LRP1B: variants seen among roughly 807,000 people sequenced by gnomAD.
LRP1B encodes the protein low-density lipoprotein receptor-related protein 1B.
Under a neutral mutation model 556.6 loss-of-function variants are expected in LRP1B, and 217 were observed. The observed-to-expected ratio is 0.39, with a 90% CI of 0.35 to 0.44. The LOEUF is 0.44. LRP1B is among the 20% of genes least tolerant of loss of function. The probability of loss-of-function intolerance (pLI) is 1.00; values close to 1 mark genes in which losing one functional copy is unlikely to be tolerated. For synonymous variants in LRP1B, 2,047 were observed against 1,865.8 expected (o/e 1.10, Z -2.50); for missense variants, 5,053 against 5,620.8 (o/e 0.90, Z 3.23).
At position 140,253,259 on chromosome 2, in the gene LRP1B, AAG is replaced by A. The variant is rs1208950834; in HGVS notation, c.13248-6099_13248-6098del. On this transcript the variant is annotated intron_variant, in intron 86 of 90. Transcript: ENST00000389484. ...GTAATACTGAGAAAATTTGATCAGA[AAG>A]AGTTTTTGATTTCTGAGAAGTGTTA... 4.6e-5 allele frequency among the ~76,000 whole-genome samples: 7 copies of A among 152,086 alleles called. No individual in the cohort carries two copies. The East Asian group carries it at 7.7e-4, about 17-fold the overall frequency.
chr2:141,725,237 CA>C (rs1692983785), intron 2 of LRP1B, among the ~76,000 whole-genome samples: 1 of 151,898 alleles, frequency 6.6e-6, no homozygotes, highest in Non-Finnish European at 1.5e-5. Flanking sequence ...TATCTTACCA[CA>C]TTTTTTATGA....
At chr2:140,683,892 G>C in intron 41 of LRP1B, 1 of 531,750 alleles carries the variant, frequency 1.9e-6, no homozygotes, top group South Asian at 2.0e-5. Context: ...CAGACTGAGG[G>C]GTCCATGCCG....
intron 7 of LRP1B, among the ~76,000 whole-genome samples, chr2:141,170,306 TC>T (rs1423247996): frequency 8.5e-5 from 13 of 152,114 alleles, no homozygotes; most frequent in Non-Finnish European, 1.5e-5. Flanking sequence ...TTGATTTCTC[TC>T]ATTCTGGTCT....
intron 1 of LRP1B, among the ~76,000 whole-genome samples, chr2:141,923,537 G>A (rs1272686354): frequency 6.8e-6 from 1 of 147,164 alleles, no homozygotes; most frequent in African/African-American, 2.5e-5. Context: ...GTAAGTATAT[G>A]TCTGTATTTC....
At chr2:141,224,952 G>C (rs1288251139) in intron 6 of LRP1B, among the ~76,000 whole-genome samples, 12 of 152,028 alleles carry the variant, frequency 7.9e-5, no homozygotes, top group Non-Finnish European at 1.3e-4. Context: ...TGCACATCCT[G>C]CACATGTATC....
chr2:141,179,892 CT>C (rs11433781), intron 7 of LRP1B, among the ~76,000 whole-genome samples: 9,146 of 125,936 alleles, frequency 0.073, 280 homozygotes, highest in East Asian at 0.17. Flanking sequence ...TTGGTTTTTC[CT>C]TTTTTTTTTT....
rs1440829202 is a variant in LRP1B at position 140,975,406 on chromosome 2, A to G, written c.2887+6754T>C. On this transcript the variant is annotated intron_variant, in intron 18 of 90. Coordinates refer to ENST00000389484, the MANE Select transcript of LRP1B (RefSeq NM_018557.3). ...GGATTGTGAAATTTACAGCAGCAGA[A>G]AGGAAGTTTCCTCTAGACCTGCTTG... Among the ~76,000 whole-genome samples the G allele has an allele frequency of 3.3e-5, 5 of 152,132 alleles. No homozygotes were observed. In the East Asian group the frequency reaches 9.6e-4, roughly 29 times the overall value.
rs117369914 is a variant in LRP1B at position 140,959,944 on chromosome 2, G to A, written c.2888-8004C>T. 2.0e-3 allele frequency among the ~76,000 whole-genome samples: 304 copies of A among 151,720 alleles called. 5 individuals are homozygous for A. The East Asian group carries it at 0.029, about 14-fold the overall frequency. On this transcript the variant is annotated intron_variant, in intron 18 of 90. Coordinates refer to ENST00000389484, the MANE Select transcript of LRP1B (RefSeq NM_018557.3). ...AAGCACAAGGAATAGACACTTCAGG[G>A]CCCTGAAGTAGTAGTGAGGTTGCCT...
At chr2:140,538,221 TTA>T (rs1283956164) in intron 45 of LRP1B, among the ~76,000 whole-genome samples, 13 of 152,086 alleles carry the variant, frequency 8.5e-5, no homozygotes, top group South Asian at 6.2e-4. Flanking sequence ...TTTTTATTTA[TTA>T]TGTCAACCTT....
rs117419274 is a variant in LRP1B, at chr2:140,702,077, G to A, written c.6302+64C>T. On this transcript the variant is annotated intron_variant, in intron 39 of 90. Transcript: ENST00000389484. ...TGCTAAGAAATGGTAAATCCTACAA[G>A]GGTAAAGCAACTGGCACTGAAATAA... 7.9e-5 allele frequency: 123 copies of A among 1,557,266 alleles called. 1 individual carries two copies. The East Asian group carries it at 2.5e-3, about 32-fold the overall frequency.
chr2:140,276,496 G>A (rs897048489), intron 84 of LRP1B, among the ~76,000 whole-genome samples: 3 of 151,678 alleles, frequency 2.0e-5, no homozygotes, highest in Non-Finnish European at 4.4e-5. Flanking sequence ...AGGCTTGGAG[G>A]GTATATATAC....
At chr2:142,040,149 A>C (rs1333459593) in intron 1 of LRP1B, among the ~76,000 whole-genome samples, 1 of 151,290 alleles carries the variant, frequency 6.6e-6, no homozygotes, top group African/African-American at 2.4e-5. Flanking sequence ...TAACTTGTCT[A>C]TATGTTTGGT....
At chr2:141,798,385 G>A (rs1463157934) in intron 2 of LRP1B, among the ~76,000 whole-genome samples, 2 of 152,094 alleles carry the variant, frequency 1.3e-5, no homozygotes, top group Non-Finnish European at 2.9e-5. Flanking sequence ...ATCTTTATGA[G>A]ATAAGCTGGT....
chr2:140,520,943 C>G (rs1197492245), intron 49 of LRP1B, among the ~76,000 whole-genome samples: 2 of 150,532 alleles, frequency 1.3e-5, no homozygotes, highest in Non-Finnish European at 3.0e-5. Flanking sequence ...TTAGACCAAG[C>G]AGAAGAAAGA....
At chr2:141,987,095 T>C (rs1702212860) in intron 1 of LRP1B, among the ~76,000 whole-genome samples, 1 of 152,018 alleles carries the variant, frequency 6.6e-6, no homozygotes, top group South Asian at 2.1e-4. Flanking sequence ...AATGTTATTT[T>C]TCATCTTTAC....
chr2:140,877,822 C>T (rs1466694783), intron 25 of LRP1B, among the ~76,000 whole-genome samples: 6 of 152,126 alleles, frequency 3.9e-5, no homozygotes, highest in Non-Finnish European at 8.8e-5. Context: ...ATCAAACTGT[C>T]CTCCGACCAC....
intron 35 of LRP1B, among the ~76,000 whole-genome samples, chr2:140,724,985 T>C (rs1431722521): frequency 2.6e-5 from 4 of 152,160 alleles, no homozygotes; most frequent in African/African-American, 7.2e-5. Context: ...ACTTAATAGG[T>C]AGGCCCAGGA....
chr2:141,590,856 GACACCAACCCAGCGT>G (rs1559161357), intron 2 of LRP1B, among the ~76,000 whole-genome samples: 2 of 152,138 alleles, frequency 1.3e-5, no homozygotes, highest in East Asian at 3.9e-4. Flanking sequence ...ACCAGTCAAG[GACACCAACCCAGCGT>G]TACAGAAGTC....
chr2:140,921,003 T>C (rs1023417520), intron 21 of LRP1B, among the ~76,000 whole-genome samples: 1 of 151,988 alleles, frequency 6.6e-6, no homozygotes, highest in African/African-American at 2.4e-5. Flanking sequence ...AGGAAGTTGT[T>C]TTATAAGTGT....
Sources: gnomAD v4.1 joint callset for allele counts (sites outside exome capture counted in the v4.1 genomes callset) on GRCh38, gnomAD v4.1.1 for gene constraint, MANE v1.5 for transcripts, NCBI Gene and HGNC (gene_info 2026-07-23, HGNC 2026-07-21) for gene names.